Variants in CDK12 observed in about 807,000 individuals in gnomAD.
CDK12 encodes cyclin dependent kinase 12, also known as cyclin-dependent kinase 12.
CDK12 carries 17 observed loss-of-function variants against 133.8 expected under a neutral mutation model. The observed-to-expected ratio is 0.13, with a 90% CI of 0.09 to 0.19. CDK12 has a LOEUF of 0.19. CDK12 is among the 10% of genes least tolerant of loss of function. CDK12 has a pLI of 1.00. For missense variants in CDK12, 1,508 were observed against 1,818.7 expected, an observed-to-expected ratio of 0.83 and a Z score of 3.11; for synonymous variants, 694 against 683.6, an observed-to-expected ratio of 1.02 and a Z score of -0.24.
intron 4 of CDK12, among the ~76,000 whole-genome samples, chr17:39,493,718 C>G (rs931697358): frequency 6.6e-6 from 1 of 151,380 alleles, no homozygotes; most frequent in Non-Finnish European, 1.5e-5. Context: ...AACTCTCCAG[C>G]TGGGTGTGGT....
downstream of CDK12, among the ~76,000 whole-genome samples, chr17:39,538,516 A>G (rs985545169): frequency 6.6e-6 from 1 of 152,222 alleles, no homozygotes; most frequent in Non-Finnish European, 1.5e-5. Flanking sequence ...ATTGTTGGGT[A>G]CCTGCTATGT....
intron 2 of CDK12, among the ~76,000 whole-genome samples, chr17:39,485,555 G>A (rs1336167343): frequency 6.6e-6 from 1 of 151,868 alleles, no homozygotes; most frequent in Non-Finnish European, 1.5e-5. Flanking sequence ...GGGACTAACA[G>A]GCGGGTGCCA....
chr17:39,545,551 C>A (rs1320735392), upstream of CDK12, among the ~76,000 whole-genome samples: 3 of 139,396 alleles, frequency 2.2e-5, no homozygotes, highest in South Asian at 6.7e-4. Context: ...CAGGCTGGAG[C>A]GAAATGGCGT....
intron 2 of CDK12, among the ~76,000 whole-genome samples, chr17:39,478,985 A>G (rs1462707383): frequency 6.6e-6 from 1 of 152,074 alleles, no homozygotes; most frequent in Admixed American, 6.6e-5. Flanking sequence ...TGACATGAAA[A>G]GTAATTTTTA....
At chr17:39,536,542 T>A (rs75504872), downstream of CDK12, among the ~76,000 whole-genome samples, 732 of 152,328 alleles carry the variant, frequency 4.8e-3, 2 homozygotes, top group Middle Eastern at 0.02. Context: ...TTCACCTTTT[T>A]ATCCTCTTCT....
In CDK12 at chr17:39,509,839, T is replaced by C. The variant is rs898536594; in HGVS notation, c.2666+78T>C. The C allele has an allele frequency of 1.1e-5, 13 of 1,133,344 alleles. No individual in the cohort carries two copies. In the African/African-American group the frequency reaches 1.5e-4, roughly 13 times the overall value. 70.2% of individuals were successfully genotyped at this position (1,133,344 alleles called of 1,614,324 possible). A position where few individuals can be genotyped will look rare whatever the true frequency, so the allele number is the denominator to read the frequency against. On this transcript the variant is annotated intron_variant, in intron 7 of 13. Coordinates refer to ENST00000447079, the MANE Select transcript of CDK12 (RefSeq NM_016507.4). ...TTTTTTGAGGCAGGATCTTATTCTG[T>C]TGCTCAGGCTGGAGTGCGTGGCTTG... is the stretch of plus-strand genomic sequence containing the variant.
downstream of CDK12, among the ~76,000 whole-genome samples, chr17:39,566,283 G>C (rs533103854): frequency 1.3e-5 from 2 of 152,208 alleles, no homozygotes; most frequent in East Asian, 3.9e-4. Context: ...TCCCACAGCT[G>C]TCACGGCCTC....
At chr17:39,504,621 G>A (rs1483591482) in intron 6 of CDK12, among the ~76,000 whole-genome samples, 1 of 152,012 alleles carries the variant, frequency 6.6e-6, no homozygotes, top group African/African-American at 2.4e-5. Context: ...GCTCACATGT[G>A]TAATCCTAAC....
intron 5 of CDK12, among the ~76,000 whole-genome samples, chr17:39,495,390 T>G (rs1339241453): frequency 0.032 from 4,510 of 139,602 alleles, 231 homozygotes; most frequent in African/African-American, 0.09. Context: ...ATGTGTTTTT[T>G]TTTTTTTTTT....
At chr17:39,463,507 G>A (rs2049091692) in intron 1 of CDK12, among the ~76,000 whole-genome samples, 1 of 152,136 alleles carries the variant, frequency 6.6e-6, no homozygotes, top group Non-Finnish European at 1.5e-5. Context: ...TATGGGACCT[G>A]GTTGAAGACT....
In CDK12 at chr17:39,471,426, A is replaced by ACACAC; in HGVS notation, c.1594_1595insCACAC (p.Ile532ThrfsTer80). ...GGAGACCCCTCCACCTCTTCCCACAATTGCTTCTCCCCCACCCCCTCTACC... is the reference window on the plus strand; with the variant it reads ...GGAGACCCCTCCACCTCTTCCCACAACACACTTGCTTCTCCCCCACCCCCTCTACC... On this transcript the variant is annotated frameshift_variant, in exon 2 of 14. Transcript: ENST00000447079. LOFTEE classifies it high-confidence loss of function. The ACACAC allele has an allele frequency of 6.2e-7, 1 of 1,613,356 alleles. No individual in the cohort carries two copies. The highest frequency in any genetic ancestry group is 8.5e-7 in the Non-Finnish European group (1 of 1,179,608).
chr17:39,510,554 T>G (rs949397615), intron 7 of CDK12, among the ~76,000 whole-genome samples: 3 of 152,032 alleles, frequency 2.0e-5, no homozygotes, highest in African/African-American at 7.2e-5. Context: ...GAATCGTCCC[T>G]TGGCTGGAAT....
intron 1 of CDK12, among the ~76,000 whole-genome samples, chr17:39,465,834 A>C (rs563273049): frequency 3.3e-5 from 5 of 152,192 alleles, no homozygotes; most frequent in South Asian, 2.1e-4. Flanking sequence ...TATTCTTAGG[A>C]TATTTGTTTC....
chr17:39,534,647 G>C (rs2055049559), downstream of CDK12: 1 of 207,166 alleles, frequency 4.8e-6, no homozygotes. Flanking sequence ...GGGGTTCTCT[G>C]TCTCAGAATC....
Position 39,531,305 on chromosome 17 carries a change from G to A in CDK12, c.4462G>A (p.Val1488Ile), listed in dbSNP as rs749610847. The A allele has an allele frequency of 1.3e-6, 2 of 1,487,166 alleles. No individual in the cohort carries two copies. Among genetic ancestry groups the A allele is most frequent in the African/African-American group, 2.8e-5 (2 of 70,972 alleles). The allele number at this position is 1,487,166 out of a possible 1,614,324, so 92.1% of individuals were successfully genotyped here. The change falls in exon 14 of 14, where the codon GTT (valine) becomes ATT (isoleucine). Residue 1488 changes from valine to isoleucine, a missense_variant. Val to Ile is a conservative substitution (Grantham distance 29). This residue lies in a region of CDK12 where 114 missense variants were observed against 101.2 expected (regional missense o/e 1.13). Coordinates refer to ENST00000447079, the MANE Select transcript of CDK12 (RefSeq NM_016507.4). ...VPPRGGRGRG[V>I]PY Reference sequence around the variant, plus strand: ...ACCAAGAGGGGGAAGAGGGAGAGGAGTTCCTTACTAACCCAGAGACTTCAG... The same window carrying A: ...ACCAAGAGGGGGAAGAGGGAGAGGAATTCCTTACTAACCCAGAGACTTCAG...
At chr17:39,562,709 A>G (rs1479400127) in intron 3 of CDK12, among the ~76,000 whole-genome samples, 2 of 152,158 alleles carry the variant, frequency 1.3e-5, no homozygotes, top group Non-Finnish European at 2.9e-5. Flanking sequence ...TTGTCATCAA[A>G]AAAAGGGCAA....
chr17:39,492,205 T>C (rs974981846), intron 3 of CDK12, among the ~76,000 whole-genome samples: 2 of 150,562 alleles, frequency 1.3e-5, no homozygotes, highest in Non-Finnish European at 3.0e-5. Flanking sequence ...CAAGTGATTC[T>C]CCTGCCTCAG....
Position 39,462,090 on chromosome 17 carries a change from C to G in CDK12, c.19C>G (p.His7Asp), listed in dbSNP as rs1477267149. Residue 7 changes from histidine to aspartate, a missense_variant, in exon 1 of 14, where the codon CAT (histidine) becomes GAT (aspartate). This residue lies in a region of CDK12 where 460 missense variants were observed against 490.8 expected (regional missense o/e 0.94). Transcript: ENST00000447079. MPNSERHGGKKDGSGGA... is the reference protein window; with the variant it reads MPNSERDGGKKDGSGGA... ...AAAGGGAATGCCCAATTCAGAGAGA[C>G]ATGGGGGCAAGAAGGACGGGAGTGG... is the stretch of plus-strand genomic sequence containing the variant. 1.9e-6 allele frequency: 3 copies of G among 1,613,728 alleles called. No individual in the cohort carries two copies. Among genetic ancestry groups the G allele is most frequent in the Non-Finnish European group, 2.5e-6 (3 of 1,179,820 alleles).
chr17:39,461,816 G>A lies in CDK12; in HGVS notation c.-256G>A, dbSNP rs2048979398. 3.7e-6 allele frequency: 2 copies of A among 537,554 alleles called. No individual in the cohort carries two copies. Among genetic ancestry groups the A allele is most frequent in the East Asian group, 6.1e-5 (2 of 32,694 alleles). 33.3% of individuals were successfully genotyped at this position (537,554 alleles called of 1,614,324 possible). On this transcript the variant is annotated 5_prime_UTR_variant, in exon 1 of 14. Coordinates refer to ENST00000447079, the MANE Select transcript of CDK12 (RefSeq NM_016507.4). The stretch of plus-strand genomic sequence containing the variant: ...CGGAGGGAGAAGAGGAAACAGACTT[G>A]AGCAGCTCCCCGTTGTCTCGCAACT...
Sources: allele counts gnomAD v4.1 joint callset (sites outside exome capture counted in the v4.1 genomes callset), GRCh38; gene constraint gnomAD v4.1.1; regional missense constraint gnomAD v4.1.1; transcripts MANE v1.5; gene names NCBI Gene and HGNC (gene_info 2026-07-23, HGNC 2026-07-21).